The following NR1D1 variants were observed in gnomAD, a reference collection of about 807,000 sequenced individuals.
NR1D1 encodes the protein nuclear receptor subfamily 1 group D member 1.
A neutral mutation model predicts 51.1 loss-of-function variants in NR1D1; 17 were observed. That is an observed-to-expected ratio of 0.33 (90% CI 0.23 to 0.50). The LOEUF (loss-of-function observed/expected upper bound fraction) is 0.50. NR1D1 is among the 20% of genes least tolerant of loss of function. The pLI, the probability that NR1D1 is intolerant of heterozygous loss-of-function variation, is 0.98. For missense variants in NR1D1, 647 were observed against 830.4 expected (o/e 0.78, Z 2.71); for synonymous variants, 341 against 333.4 (o/e 1.02, Z -0.25).
rs1415779174 is a variant in NR1D1 at position 40,100,048 on chromosome 17, A to G, written c.31+16T>C. On this transcript the variant is annotated intron_variant, in intron 1 of 7. Coordinates refer to ENST00000246672, the MANE Select transcript of NR1D1 (RefSeq NM_021724.5). ...ACAGTGACAGGGAAAAGATGATAGTAAAGAAATCTCAGTACCTGTGTTGTT... is the reference window on the plus strand; with the variant it reads ...ACAGTGACAGGGAAAAGATGATAGTGAAGAAATCTCAGTACCTGTGTTGTT... 2 of 1,587,366 alleles carry G rather than the reference A, an allele frequency of 1.3e-6. No homozygotes were observed. The highest frequency in any genetic ancestry group is 3.3e-5 in the Admixed American group (2 of 59,954).
Position 40,097,122 on chromosome 17 carries a change from C to T in NR1D1, c.313G>A (p.Val105Met), listed in dbSNP as rs1324805924. The change falls in exon 2 of 8, where the codon GTG becomes ATG. Residue 105 changes from valine to methionine, a missense_variant. By Grantham distance (21) the Val-to-Met change is conservative. Around this residue, in one of 7 missense-constraint regions of NR1D1, gnomAD observed 98 missense variants for 94.7 expected, o/e 1.03. Coordinates refer to ENST00000246672, the MANE Select transcript of NR1D1 (RefSeq NM_021724.5). ...YNGSPPGSLQ[V>M]AMEDSSRVSP... ...ACTCGGCTGCTGTCCTCCATGGCCACTTGTAGACTCCCAGGGGGGCTCCCA... is the reference window on the plus strand; with the variant it reads ...ACTCGGCTGCTGTCCTCCATGGCCATTTGTAGACTCCCAGGGGGGCTCCCA... 1.2e-6 allele frequency: 2 copies of T among 1,610,678 alleles called. No homozygotes were observed. The highest frequency in any genetic ancestry group is 3.4e-5 in the Admixed American group (2 of 59,574).
At chr17:40,095,145 G>A in intron 5 of NR1D1, 25 bp from the exon 6 acceptor site, 4 of 1,602,238 alleles carry the variant, frequency 2.5e-6, no homozygotes, top group East Asian at 2.2e-5. Context: ...GATTGAAGGA[G>A]GGGAGTGTCA....
At position 40,092,906 on chromosome 17, in the gene NR1D1, GGGGA is replaced by G; in HGVS notation, c.*173_*176del. ...GGGGAGGAGGGGAAGTTCGGTGATG[GGGGA>G]GGGAGGCAGGTATTTACAAGAAGGC... On this transcript the variant is annotated 3_prime_UTR_variant, in exon 8 of 8. Coordinates refer to ENST00000246672, the MANE Select transcript of NR1D1 (RefSeq NM_021724.5). 1 of 1,438,284 alleles carries G rather than the reference GGGGA, an allele frequency of 7.0e-7. No individual in the cohort carries two copies. The highest frequency in any genetic ancestry group is 9.3e-7 in the Non-Finnish European group (1 of 1,078,204). The allele number at this position is 1,438,284 out of a possible 1,614,324, so 89.1% of individuals were successfully genotyped here.
Position 40,097,105 on chromosome 17 carries a change from G to A in NR1D1, c.330C>T (p.Ser110=). The A allele has an allele frequency of 6.2e-7, 1 of 1,608,698 alleles. No individual in the cohort carries two copies. Among genetic ancestry groups the A allele is most frequent in the Non-Finnish European group, 8.5e-7 (1 of 1,177,106 alleles). ...TGCTCTTGCTGGGGGACACTCGGCT[G>A]CTGTCCTCCATGGCCACTTGTAGAC... is the stretch of plus-strand genomic sequence containing the variant. ...PGSLQVAMED[S]SRVSPSKSTS... The change falls in exon 2 of 8, where the codon AGC becomes AGT. Residue 110 remains serine (S), a synonymous_variant. Coordinates refer to ENST00000246672, the MANE Select transcript of NR1D1 (RefSeq NM_021724.5).
intron 1 of NR1D1, 88 bp downstream of exon 1, chr17:40,099,976 C>T: frequency 1.0e-6 from 1 of 967,486 alleles, no homozygotes; most frequent in South Asian, 1.3e-5. Context: ...ACACCCCAGT[C>T]CCTTACAAAG....
In NR1D1 at chr17:40,094,920, T is replaced by C. The variant is rs200360706; in HGVS notation, c.1434+15A>G. ...TCAAAAAAAACAAAAACCAGAAGCA[T>C]AAACGGTCACTCACCTCAAAGGTGC... is the stretch of plus-strand genomic sequence containing the variant. On this transcript the variant is annotated intron_variant, in intron 6 of 7. Coordinates refer to ENST00000246672, the MANE Select transcript of NR1D1 (RefSeq NM_021724.5). 1 of 1,612,266 alleles carries C rather than the reference T, an allele frequency of 6.2e-7. No homozygotes were observed. Among genetic ancestry groups the C allele is most frequent in the South Asian group, 1.1e-5 (1 of 91,028 alleles).
In NR1D1 at chr17:40,093,404, G is replaced by A. The variant is rs1406651031; in HGVS notation, c.1646-122C>T. 1.2e-6 allele frequency: 2 copies of A among 1,600,394 alleles called. No homozygotes were observed. The highest frequency in any genetic ancestry group is 1.7e-6 in the Non-Finnish European group (2 of 1,173,176). On this transcript the variant is annotated intron_variant, in intron 7 of 7. Coordinates refer to ENST00000246672, the MANE Select transcript of NR1D1 (RefSeq NM_021724.5). This position sits in a 1 kb window ranked among gnomAD's most constrained non-coding sequence, Gnocchi z 5.9. ...CTGAAGCCCCCCAGAAGGCCGATGGGGAAGGAGAAGGAGTGCCATACCTTC... is the reference window on the plus strand; with the variant it reads ...CTGAAGCCCCCCAGAAGGCCGATGGAGAAGGAGAAGGAGTGCCATACCTTC...
Position 40,093,567 on chromosome 17 carries a change from GC to G in NR1D1, c.1646-286del. The G allele has an allele frequency of 1.0e-6, 1 of 961,698 alleles. No homozygotes were observed. Among genetic ancestry groups the G allele is most frequent in the Non-Finnish European group, 1.5e-6 (1 of 665,778 alleles). The allele number at this position is 961,698 out of a possible 1,614,324, so 59.6% of individuals were successfully genotyped here. A position where few individuals can be genotyped will look rare whatever the true frequency, so the allele number is the denominator to read the frequency against. On this transcript the variant is annotated intron_variant, in intron 7 of 7. Transcript: ENST00000246672. This position sits in a 1 kb window ranked among gnomAD's most constrained non-coding sequence, Gnocchi z 5.9. The stretch of plus-strand genomic sequence containing the variant: ...ACATGGCCAGACTCCCTTGCTTTTT[GC>G]TGTGTAGTTCCCTCTGCCTGGGATG...
chr17:40,099,814 C>T (rs1464340518), intron 1 of NR1D1, among the ~76,000 whole-genome samples: 1 of 152,118 alleles, frequency 6.6e-6, no homozygotes, highest in Non-Finnish European at 1.5e-5. Context: ...CTCTCCATTT[C>T]CTCCTGCCCA....
rs766823951 is a variant in NR1D1, at chr17:40,095,484, G to A, written c.1208C>T (p.Ala403Val). The A allele has an allele frequency of 1.3e-6, 2 of 1,548,464 alleles. No individual in the cohort carries two copies. Among genetic ancestry groups the A allele is most frequent in the South Asian group, 2.5e-5 (2 of 81,164 alleles). ...TGAGTTGCCCTGCCGGGGACTGTTG[G>A]CAGGTGCCTTGCCTTCTGGGGCTGC... ...VYAAPEGKAPANSPRQGNSKN... is the reference protein window; with the variant it reads ...VYAAPEGKAPVNSPRQGNSKN... The change falls in exon 5 of 8, where the codon GCC becomes GTC. Residue 403 changes from alanine to valine, a missense_variant. Ala to Val is a moderately conservative substitution (Grantham distance 64). This residue lies in a region of NR1D1 where 185 missense variants were observed against 176.3 expected (regional missense o/e 1.05). Coordinates refer to ENST00000246672, the MANE Select transcript of NR1D1 (RefSeq NM_021724.5).
rs779495407 is a variant in NR1D1 at position 40,095,918 on chromosome 17, C to T, written c.774G>A (p.Pro258=). The change falls in exon 5 of 8, where the codon CCG becomes CCA. Residue 258 remains proline, a synonymous_variant. Coordinates refer to ENST00000246672, the MANE Select transcript of NR1D1 (RefSeq NM_021724.5). The part of the protein sequence containing the change: ...GPMGPSPPPA[P]VPSPLVGFSQ... ...AGAAGCCCACCAGGGGTGAGGGGAC[C>T]GGAGCAGGGGGTGGCGAGGGGCCCA... 1.4e-5 allele frequency: 19 copies of T among 1,401,478 alleles called. No homozygotes were observed. The highest frequency in any genetic ancestry group is 9.5e-5 in the Admixed American group (5 of 52,804). The allele number at this position is 1,401,478 out of a possible 1,614,324, so 86.8% of individuals were successfully genotyped here. A position where few individuals can be genotyped will look rare whatever the true frequency, so the allele number is the denominator to read the frequency against.
rs199767462 is a variant in NR1D1, at chr17:40,095,933, C to T, written c.759G>A (p.Ser253=). 8.8e-5 allele frequency: 135 copies of T among 1,534,406 alleles called. No homozygotes were observed. The highest frequency in any genetic ancestry group is 1.1e-4 in the Non-Finnish European group (121 of 1,132,078). ...QHPTPGPMGP[S]PPPAPVPSPL... Reference sequence around the variant, plus strand: ...GTGAGGGGACCGGAGCAGGGGGTGGCGAGGGGCCCATGGGGCCTGGGGTGG... The same window carrying T: ...GTGAGGGGACCGGAGCAGGGGGTGGTGAGGGGCCCATGGGGCCTGGGGTGG... Residue 253 remains serine (S), a synonymous_variant, in exon 5 of 8, where the codon TCG becomes TCA. Coordinates refer to ENST00000246672, the MANE Select transcript of NR1D1 (RefSeq NM_021724.5).
chr17:40,094,035 G>A lies in NR1D1; in HGVS notation c.1522C>T (p.Leu508Phe). The A allele has an allele frequency of 6.2e-7, 1 of 1,614,106 alleles. No homozygotes were observed. Among genetic ancestry groups the A allele is most frequent in the Non-Finnish European group, 8.5e-7 (1 of 1,180,046 alleles). ...AGGTCTCCCATGCCCATGGCACCAAGCTCCTGCAGGCTGTAGGTGGTGCGG... is the reference window on the plus strand; with the variant it reads ...AGGTCTCCCATGCCCATGGCACCAAACTCCTGCAGGCTGTAGGTGGTGCGG... ...LSRTTYSLQE[L>F]GAMGMGDLLS... The change falls in exon 7 of 8, where the codon CTT (leucine) becomes TTT (phenylalanine). Residue 508 changes from leucine to phenylalanine, a missense_variant. Physicochemically the swap from Leu to Phe is conservative, Grantham distance 22. Transcript: ENST00000246672.
rs1987772458 is a variant in NR1D1, at chr17:40,096,782, G to A, written c.371-3C>T. Reference sequence around the variant, plus strand: ...CAGTAACACCATGCCATTCAGCTCTGTGGAAGAGACGGGCAGCAGGTGAGC... The same window carrying A: ...CAGTAACACCATGCCATTCAGCTCTATGGAAGAGACGGGCAGCAGGTGAGC... On this transcript the variant is annotated splice_polypyrimidine_tract_variant and splice_region_variant and intron_variant, in intron 2 of 7. Coordinates refer to ENST00000246672, the MANE Select transcript of NR1D1 (RefSeq NM_021724.5). The A allele has an allele frequency of 6.2e-7, 1 of 1,613,970 alleles. No homozygotes were observed. The highest frequency in any genetic ancestry group is 8.5e-7 in the Non-Finnish European group (1 of 1,179,970).
Position 40,100,425 on chromosome 17 carries a change from G to A in NR1D1, c.-331C>T, listed in dbSNP as rs1266446864. On this transcript the variant is annotated 5_prime_UTR_variant, in exon 1 of 8. Coordinates refer to ENST00000246672, the MANE Select transcript of NR1D1 (RefSeq NM_021724.5). Reference sequence around the variant, plus strand: ...CGGGGTGCCTCTGCCTGCCGGCTCCGCAGCGCTGCGGGGTGGCGAATCTGG... The same window carrying A: ...CGGGGTGCCTCTGCCTGCCGGCTCCACAGCGCTGCGGGGTGGCGAATCTGG... 2.1e-6 allele frequency: 1 copy of A among 467,818 alleles called. No individual in the cohort carries two copies. 29.0% of individuals were successfully genotyped at this position (467,818 alleles called of 1,614,324 possible).
rs201281606 is a variant in NR1D1, at chr17:40,095,600, G to A, written c.1092C>T (p.Ser364=). 40 of 1,611,460 alleles carry A rather than the reference G, an allele frequency of 2.5e-5. No homozygotes were observed. Among genetic ancestry groups the A allele is most frequent in the Non-Finnish European group, 3.4e-5 (40 of 1,178,574 alleles). The change falls in exon 5 of 8, where the codon TCC becomes TCT. Residue 364 remains serine (S), a synonymous_variant. Transcript: ENST00000246672. ...GGCCAGGAGGCCAGGTGGGAGGGTA[G>A]GAGGAGGGAGCCTGGCGCAGACCAT... ...ALNGLRQAPS[S]YPPTWPPGPA...
intron 1 of NR1D1, among the ~76,000 whole-genome samples, chr17:40,099,070 C>A (rs1435960459): frequency 1.3e-5 from 2 of 150,384 alleles, no homozygotes; most frequent in Non-Finnish European, 1.5e-5. Flanking sequence ...TGAGTCAGCC[C>A]AGCTTCACCC....
In NR1D1 at chr17:40,094,983, G is replaced by A. The variant is rs1987719304; in HGVS notation, c.1386C>T (p.Asp462=). 1.9e-6 allele frequency: 3 copies of A among 1,614,040 alleles called. No homozygotes were observed. In the African/African-American group the frequency reaches 4.0e-5, roughly 22 times the overall value. ...EFAKHIPGFR[D]LSQHDQVTLL... The stretch of plus-strand genomic sequence containing the variant: ...GGGTGACTTGGTCATGCTGAGAAAG[G>A]TCACGGAAGCCCGGGATGTGTTTGG... Residue 462 remains aspartate, a synonymous_variant, in exon 6 of 8, where the codon GAC becomes GAT. Coordinates refer to ENST00000246672, the MANE Select transcript of NR1D1 (RefSeq NM_021724.5).
chr17:40,094,251 A>C, intron 6 of NR1D1, 129 bp from the exon 7 acceptor site: 1 of 780,830 alleles, frequency 1.3e-6, no homozygotes, highest in Non-Finnish European at 2.2e-6. Flanking sequence ...TTGTTTCTGA[A>C]TGGCCAATGA....
Sources: allele counts gnomAD v4.1 joint callset (sites outside exome capture counted in the v4.1 genomes callset), GRCh38; gene constraint gnomAD v4.1.1; regional missense constraint gnomAD v4.1.1; non-coding constraint Gnocchi (gnomAD v3.1); transcripts MANE v1.5; gene names NCBI Gene and HGNC (gene_info 2026-07-23, HGNC 2026-07-21).